Variants in PLXNA2 observed in about 807,000 individuals in gnomAD.
The protein encoded by PLXNA2 is plexin A2.
Under a neutral mutation model 193.5 loss-of-function variants are expected in PLXNA2, and 91 were observed. The ratio of observed to expected loss-of-function variants is 0.47; its 90% confidence interval spans 0.40 to 0.56. The LOEUF (loss-of-function observed/expected upper bound fraction) is 0.56, where lower values mean the gene tolerates loss of function less well. PLXNA2 is among the 20% of genes least tolerant of loss of function. The pLI is 0.00. For missense variants in PLXNA2, 1,995 were observed against 2,503.2 expected, an observed-to-expected ratio of 0.80 and a Z score of 4.33; for synonymous variants, 997 against 1,027.3, an observed-to-expected ratio of 0.97 and a Z score of 0.56.
At position 208,217,937 on chromosome 1, in the gene PLXNA2, C is replaced by A. The variant is rs773002014; in HGVS notation, c.-15G>T. 7.5e-6 allele frequency: 12 copies of A among 1,604,476 alleles called. No homozygotes were observed. The Admixed American group carries it at 2.0e-4, about 27-fold the overall frequency. On this transcript the variant is annotated 5_prime_UTR_variant, in exon 2 of 32. Coordinates refer to ENST00000367033, the MANE Select transcript of PLXNA2 (RefSeq NM_025179.4). This position sits in a 1 kb window ranked among gnomAD's most constrained non-coding sequence, Gnocchi z 4.7. ...CTCTGTTCCATGCTGAGAGGGGCGG[C>A]GGTGAGGAGACGGCTCCTGTGTGTG...
chr1:208,101,100 A>G (rs1254462487), intron 5 of PLXNA2, among the ~76,000 whole-genome samples: 1 of 152,226 alleles, frequency 6.6e-6, no homozygotes, highest in Non-Finnish European at 1.5e-5. Flanking sequence ...TGAGCTCTTG[A>G]CTGGAGCCTT....
rs1169356147 is a variant in PLXNA2, at chr1:208,209,601, C to G, written c.1371+679G>C. Among the ~76,000 whole-genome samples the G allele has an allele frequency of 3.9e-5, 6 of 152,208 alleles. No homozygotes were observed. The East Asian group carries it at 5.8e-4, about 15-fold the overall frequency. ...TGGCTTCAGCCTGCTGCACAAGAGGCCTCCCATGCTGCCATCCCCAGACAG... is the reference window on the plus strand; with the variant it reads ...TGGCTTCAGCCTGCTGCACAAGAGGGCTCCCATGCTGCCATCCCCAGACAG... On this transcript the variant is annotated intron_variant, in intron 3 of 31. Transcript: ENST00000367033.
intron 3 of PLXNA2, among the ~76,000 whole-genome samples, chr1:208,170,979 G>A (rs2102530461): frequency 6.6e-6 from 1 of 152,350 alleles, no homozygotes; most frequent in African/African-American, 2.4e-5. Context: ...TGGTCTTGCA[G>A]GAATTCAGGG....
rs34909092 is a variant in PLXNA2 at position 208,124,679 on chromosome 1, C to CAA, written c.1506+17648_1506+17649dup. 7.3e-3 allele frequency among the ~76,000 whole-genome samples: 491 copies of CAA among 67,678 alleles called. 3 individuals are homozygous for CAA. Among genetic ancestry groups the CAA allele is most frequent in the African/African-American group, 0.011 (169 of 15,134 alleles). The allele number at this position is 67,678 out of a possible 152,430, so 44.4% of individuals were successfully genotyped here. A position where few individuals can be genotyped will look rare whatever the true frequency, so the allele number is the denominator to read the frequency against. On this transcript the variant is annotated intron_variant, in intron 4 of 31. Coordinates refer to ENST00000367033, the MANE Select transcript of PLXNA2 (RefSeq NM_025179.4). ...GGGCGACAACAGCAAAACTCCGTCT[C>CAA]AAAAAAAAAAAAAAAAAAAAAAAAG...
At chr1:208,118,116 T>C (rs1366328278) in intron 4 of PLXNA2, among the ~76,000 whole-genome samples, 1 of 152,216 alleles carries the variant, frequency 6.6e-6, no homozygotes, top group African/African-American at 2.4e-5. Flanking sequence ...AGGACTGCTG[T>C]TCCTCACTAG....
intron 1 of PLXNA2, among the ~76,000 whole-genome samples, chr1:208,243,086 C>CGGAG (rs1433971092): frequency 6.6e-6 from 1 of 152,170 alleles, no homozygotes; most frequent in Non-Finnish European, 1.5e-5. Context: ...GGAATCTCTC[C>CGGAG]CTGAGCCTTA....
chr1:208,125,257 G>A (rs1222305539), intron 4 of PLXNA2, among the ~76,000 whole-genome samples: 1 of 152,222 alleles, frequency 6.6e-6, no homozygotes, highest in African/African-American at 2.4e-5. Context: ...GAAGTGATCT[G>A]TATACCAGTG....
chr1:208,038,353 A>G lies in PLXNA2; in HGVS notation c.4764+18T>C. The G allele has an allele frequency of 6.5e-7, 1 of 1,535,562 alleles. No individual in the cohort carries two copies. The highest frequency in any genetic ancestry group is 9.0e-7 in the Non-Finnish European group (1 of 1,108,220). ...ACATTCTGGGAAGCTGAAGAGGGGAAAAGACACCCCCTCTCACCTGATAAT... is the reference window on the plus strand; with the variant it reads ...ACATTCTGGGAAGCTGAAGAGGGGAGAAGACACCCCCTCTCACCTGATAAT... On this transcript the variant is annotated intron_variant, in intron 26 of 31. Transcript: ENST00000367033. This position sits in a 1 kb window ranked among gnomAD's most constrained non-coding sequence, Gnocchi z 4.1.
intron 8 of PLXNA2, 47 bp downstream of exon 8, chr1:208,095,982 T>C (rs1210129658): frequency 6.3e-6 from 9 of 1,426,384 alleles, no homozygotes; most frequent in Middle Eastern, 1.8e-4. Flanking sequence ...AGAAAGCCCA[T>C]ACCCACATCC....
chr1:208,055,882 C>T (rs1300717102), intron 13 of PLXNA2, among the ~76,000 whole-genome samples: 1 of 152,188 alleles, frequency 6.6e-6, no homozygotes, highest in Non-Finnish European at 1.5e-5. Context: ...CATGCAATAA[C>T]TGTCTTATTA....
intron 3 of PLXNA2, among the ~76,000 whole-genome samples, chr1:208,186,708 A>G (rs868157544): frequency 9.0e-6 from 1 of 111,698 alleles, no homozygotes; most frequent in Non-Finnish European, 2.0e-5. Flanking sequence ...TTGCAATGTT[A>G]TTTTATTTTT....
chr1:208,167,024 C>T (rs941929087), intron 3 of PLXNA2, among the ~76,000 whole-genome samples: 9 of 152,262 alleles, frequency 5.9e-5, no homozygotes, highest in Admixed American at 2.0e-4. Context: ...CTTGGGGCTA[C>T]GTTGGAATGT....
At chr1:208,031,861 T>C in intron 28 of PLXNA2, 102 bp from the exon 29 acceptor site, 2 of 1,295,614 alleles carry the variant, frequency 1.5e-6, no homozygotes, top group Non-Finnish European at 2.1e-6. Flanking sequence ...TGGAAATTTG[T>C]CTGGGACACG....
At chr1:208,067,071 G>T (rs1223817345) in intron 12 of PLXNA2, among the ~76,000 whole-genome samples, 3 of 152,150 alleles carry the variant, frequency 2.0e-5, no homozygotes, top group African/African-American at 4.8e-5. Context: ...CTGGCCGGGC[G>T]CAGTGGCTCA....
chr1:208,060,567 A>T, intron 13 of PLXNA2, 119 bp downstream of exon 13: 1 of 1,051,802 alleles, frequency 9.5e-7, no homozygotes, highest in Non-Finnish European at 1.4e-6. Context: ...GGGCAGGTCC[A>T]TGGGAGGAGA....
intron 3 of PLXNA2, among the ~76,000 whole-genome samples, chr1:208,185,719 G>GAAA (rs3991419): frequency 1.4e-4 from 15 of 105,530 alleles, no homozygotes; most frequent in African/African-American, 3.7e-4. Context: ...AAAAAAAAAA[G>GAAA]GAAAAAAAAA....
Position 208,026,405 on chromosome 1 carries a change from A to G in PLXNA2, c.*838T>C, listed in dbSNP as rs1483061974. 1 of 152,266 alleles carries G rather than the reference A, an allele frequency of 6.6e-6. No homozygotes were observed. The highest frequency in any genetic ancestry group is 1.5e-5 in the Non-Finnish European group (1 of 68,050). The allele number at this position is 152,266 out of a possible 1,614,324, so 9.4% of individuals were successfully genotyped here. ...TAAATAAAACAAAACAAAAAACAGT[A>G]GCAAAAAGCATTGGTACTATCTAGG... On this transcript the variant is annotated 3_prime_UTR_variant, in exon 32 of 32. Transcript: ENST00000367033.
intron 9 of PLXNA2, among the ~76,000 whole-genome samples, chr1:208,086,659 C>T (rs1666529576): frequency 6.6e-6 from 1 of 151,894 alleles, no homozygotes; most frequent in Admixed American, 6.6e-5. Flanking sequence ...CACAAGGCAA[C>T]CCCAGAACAG....
intron 14 of PLXNA2, 59 bp from the exon 15 acceptor site, chr1:208,052,522 T>C: frequency 6.5e-7 from 1 of 1,547,820 alleles, no homozygotes; most frequent in African/African-American, 1.4e-5. Flanking sequence ...GGATGGACCA[T>C]GGTTAGATCT....
Sources: allele counts gnomAD v4.1 joint callset (sites outside exome capture counted in the v4.1 genomes callset), GRCh38; gene constraint gnomAD v4.1.1; non-coding constraint Gnocchi (gnomAD v3.1); transcripts MANE v1.5; gene names NCBI Gene and HGNC (gene_info 2026-07-23, HGNC 2026-07-21).